RAPGEF2: variants seen among roughly 807,000 people sequenced by gnomAD.
RAPGEF2 encodes the protein PDZ domain containing guanine nucleotide exchange factor (GEF) 1.
Under a neutral mutation model 186.7 loss-of-function variants are expected in RAPGEF2, and 54 were observed. The observed-to-expected ratio is 0.29, with a 90% CI of 0.23 to 0.36. The LOEUF is 0.36. Among genes scored for constraint, RAPGEF2 ranks in the 10% least tolerant of loss-of-function variants. The pLI is 1.00. For synonymous variants in RAPGEF2, 712 were observed against 705.9 expected, an observed-to-expected ratio of 1.01 and a Z score of -0.14; for missense variants, 1,532 against 2,045.0, an observed-to-expected ratio of 0.75 and a Z score of 4.84.
intron 1 of RAPGEF2, among the ~76,000 whole-genome samples, chr4:159,117,868 A>G (rs1048735243): frequency 6.6e-6 from 1 of 152,148 alleles, no homozygotes; most frequent in Admixed American, 6.5e-5. Context: ...CTTGCTATCC[A>G]CAAGCCTCAT....
chr4:159,244,966 G>A (rs1363412739), intron 7 of RAPGEF2, among the ~76,000 whole-genome samples: 1 of 151,758 alleles, frequency 6.6e-6, no homozygotes, highest in African/African-American at 2.4e-5. Context: ...TCAGTGTTTT[G>A]AGCTTTTCTC....
intron 11 of RAPGEF2, among the ~76,000 whole-genome samples, chr4:159,324,400 T>A (rs886920743): frequency 6.6e-6 from 1 of 152,190 alleles, no homozygotes; most frequent in Non-Finnish European, 1.5e-5. Flanking sequence ...TTAATTTCCA[T>A]TTTACTTGAA....
In RAPGEF2 at chr4:159,341,553, G is replaced by A. The variant is rs755021802; in HGVS notation, c.2535-11G>A. On this transcript the variant is annotated splice_polypyrimidine_tract_variant and intron_variant, in intron 19 of 29. Coordinates refer to ENST00000691494, the MANE Select transcript of RAPGEF2 (RefSeq NM_001394067.2). Reference sequence around the variant, plus strand: ...TAGGCTTTGACTCTGATATGTTTCTGTTTTTCATAGGTATTATCTGAAAAA... The same window carrying A: ...TAGGCTTTGACTCTGATATGTTTCTATTTTTCATAGGTATTATCTGAAAAA... The A allele has an allele frequency of 8.3e-6, 13 of 1,565,086 alleles. No homozygotes were observed. In the Admixed American group the frequency reaches 2.6e-4, roughly 31 times the overall value.
intron 7 of RAPGEF2, among the ~76,000 whole-genome samples, chr4:159,261,676 C>G (rs903901181): frequency 1.3e-5 from 2 of 152,134 alleles, no homozygotes; most frequent in Admixed American, 1.3e-4. Flanking sequence ...CCTGTAATAC[C>G]CTACAGTGCA....
chr4:159,195,984 T>C (rs1231337620), intron 3 of RAPGEF2, among the ~76,000 whole-genome samples: 1 of 148,778 alleles, frequency 6.7e-6, no homozygotes, highest in Non-Finnish European at 1.5e-5. Flanking sequence ...TAATCTTAAA[T>C]TTGAATGCAT....
intron 7 of RAPGEF2, among the ~76,000 whole-genome samples, chr4:159,261,389 T>G (rs2110745869): frequency 6.6e-6 from 1 of 152,156 alleles, no homozygotes; most frequent in East Asian, 1.9e-4. Flanking sequence ...AAGAAATTCT[T>G]GAACTTAGTA....
chr4:159,257,900 A>G (rs1756369518), intron 7 of RAPGEF2, among the ~76,000 whole-genome samples: 1 of 152,168 alleles, frequency 6.6e-6, no homozygotes, highest in Non-Finnish European at 1.5e-5. Flanking sequence ...TGTCTTGGCT[A>G]TATGGGCTCT....
chr4:159,239,959 A>G (rs1218849651), intron 5 of RAPGEF2, among the ~76,000 whole-genome samples: 2 of 152,232 alleles, frequency 1.3e-5, no homozygotes, highest in Non-Finnish European at 2.9e-5. Context: ...CATCAAAGCT[A>G]GCGAACTTTT....
chr4:159,292,470 A>G (rs1001906510), intron 7 of RAPGEF2, among the ~76,000 whole-genome samples: 1 of 152,074 alleles, frequency 6.6e-6, no homozygotes, highest in African/African-American at 2.4e-5. Flanking sequence ...AATTACCACT[A>G]AGTGATGTTC....
chr4:159,155,507 G>A (rs1744016962), intron 1 of RAPGEF2, among the ~76,000 whole-genome samples: 1 of 141,964 alleles, frequency 7.0e-6, no homozygotes, highest in Non-Finnish European at 1.5e-5. Flanking sequence ...GAAGTTTCCA[G>A]GTAGGGGAAC....
chr4:159,301,957 T>C (rs1762723398), intron 7 of RAPGEF2, among the ~76,000 whole-genome samples: 1 of 152,346 alleles, frequency 6.6e-6, no homozygotes, highest in South Asian at 2.1e-4. Flanking sequence ...AGGAATGTCT[T>C]ACTTATCTTG....
intron 4 of RAPGEF2, among the ~76,000 whole-genome samples, chr4:159,220,937 C>T (rs769177972): frequency 2.0e-5 from 3 of 151,976 alleles, no homozygotes; most frequent in Non-Finnish European, 4.4e-5. Flanking sequence ...TTTCAGTAAC[C>T]TACAATTTAT....
chr4:159,113,325 G>A (rs770167663), intron 1 of RAPGEF2, among the ~76,000 whole-genome samples: 101 of 151,978 alleles, frequency 6.6e-4, no homozygotes, highest in Admixed American at 9.2e-4. Flanking sequence ...TCTTTGACCC[G>A]TTTTTTAAAT....
intron 7 of RAPGEF2, among the ~76,000 whole-genome samples, chr4:159,256,772 T>C (rs1475380704): frequency 6.6e-6 from 1 of 152,234 alleles, no homozygotes; most frequent in Non-Finnish European, 1.5e-5. Context: ...ATTGTGGTTT[T>C]GATTTGAATT....
At chr4:159,136,329 C>T (rs979368538) in intron 1 of RAPGEF2, among the ~76,000 whole-genome samples, 1 of 152,154 alleles carries the variant, frequency 6.6e-6, no homozygotes, top group Non-Finnish European at 1.5e-5. Flanking sequence ...TTAAGGATGA[C>T]TTGAAAGTTT....
intron 1 of RAPGEF2, among the ~76,000 whole-genome samples, chr4:159,163,801 A>AAG (rs10635732): frequency 0.072 from 10,916 of 152,196 alleles, 1,312 homozygotes; most frequent in African/African-American, 0.25. Flanking sequence ...TGAAAGATGA[A>AAG]AGGATCTGAA....
At chr4:159,339,389 C>G in intron 19 of RAPGEF2, 35 bp downstream of exon 19, 1 of 1,589,856 alleles carries the variant, frequency 6.3e-7, no homozygotes, top group Non-Finnish European at 8.6e-7. Context: ...TTTCTTTGTC[C>G]CCTCTTCGAA....
At chr4:159,139,394 C>T (rs1243828006) in intron 1 of RAPGEF2, among the ~76,000 whole-genome samples, 1 of 152,192 alleles carries the variant, frequency 6.6e-6, no homozygotes, top group East Asian at 1.9e-4. Flanking sequence ...TCTTCAATCT[C>T]ATTTCAGATC....
At chr4:159,289,704 A>G (rs1481990098) in intron 7 of RAPGEF2, among the ~76,000 whole-genome samples, 1 of 152,168 alleles carries the variant, frequency 6.6e-6, no homozygotes, top group African/African-American at 2.4e-5. Context: ...CAGCTACTGT[A>G]AAGGTATTTA....
Sources: gnomAD v4.1 joint callset for allele counts (sites outside exome capture counted in the v4.1 genomes callset) on GRCh38, gnomAD v4.1.1 for gene constraint, MANE v1.5 for transcripts, NCBI Gene and HGNC (gene_info 2026-07-23, HGNC 2026-07-21) for gene names.